PTPRD: variants seen among roughly 807,000 people sequenced by gnomAD.
PTPRD encodes the protein protein tyrosine phosphatase receptor type D.
Under a neutral mutation model 214.5 loss-of-function variants are expected in PTPRD, and 34 were observed. The observed-to-expected ratio is 0.16, with a 90% confidence interval of 0.12 to 0.21. The LOEUF is 0.21. PTPRD is among the 10% of genes least tolerant of loss of function. PTPRD has a pLI of 1.00. For synonymous variants in PTPRD, 1,128 were observed against 845.7 expected (o/e 1.33, Z -5.79); for missense variants, 2,545 against 2,398.7 (o/e 1.06, Z -1.27).
intron 3 of PTPRD, among the ~76,000 whole-genome samples, chr9:10,320,498 A>G (rs965682645): frequency 7.2e-5 from 11 of 152,058 alleles, no homozygotes; most frequent in African/African-American, 1.2e-4. Context: ...TGCAAAAACG[A>G]ATGTATCTTC....
intron 11 of PTPRD, among the ~76,000 whole-genome samples, chr9:8,826,767 T>C (rs10120501): frequency 0.57 from 86,401 of 151,184 alleles, 25,531 homozygotes; most frequent in African/African-American, 0.73. Flanking sequence ...ATGCCCAGTG[T>C]TTAGCATGAT....
chr9:10,383,666 T>C (rs1211344546), intron 2 of PTPRD, among the ~76,000 whole-genome samples: 10 of 151,988 alleles, frequency 6.6e-5, no homozygotes. Flanking sequence ...GTGTTTCATC[T>C]GCACCATTTC....
At chr9:8,453,871 G>T (rs749711728) in intron 33 of PTPRD, among the ~76,000 whole-genome samples, 5 of 152,150 alleles carry the variant, frequency 3.3e-5, no homozygotes, top group Non-Finnish European at 7.3e-5. Context: ...GAAACCACTG[G>T]AATATGGCAT....
At chr9:10,175,144 C>T (rs1483050847) in intron 3 of PTPRD, among the ~76,000 whole-genome samples, 1 of 152,040 alleles carries the variant, frequency 6.6e-6, no homozygotes, top group African/African-American at 2.4e-5. Flanking sequence ...GAAGCTGGAT[C>T]AATCCAAAAA....
At chr9:10,309,889 G>C (rs2096219028) in intron 3 of PTPRD, among the ~76,000 whole-genome samples, 1 of 152,136 alleles carries the variant, frequency 6.6e-6, no homozygotes, top group South Asian at 2.1e-4. Context: ...CAACATTTGT[G>C]TTAGCACCTT....
At chr9:8,468,671 T>C (rs975473417) in intron 31 of PTPRD, among the ~76,000 whole-genome samples, 11 of 151,854 alleles carry the variant, frequency 7.2e-5, no homozygotes, top group African/African-American at 2.7e-4. Context: ...GTTCCAACAA[T>C]TTGAATTATA....
chr9:8,691,002 C>T (rs1283197854), intron 12 of PTPRD, among the ~76,000 whole-genome samples: 2 of 152,080 alleles, frequency 1.3e-5, no homozygotes, highest in East Asian at 1.9e-4. Flanking sequence ...CAAAAGTAAG[C>T]CTCTGAGAAC....
At chr9:10,342,426 AT>A (rs1220471770) in intron 2 of PTPRD, among the ~76,000 whole-genome samples, 1 of 152,146 alleles carries the variant, frequency 6.6e-6, no homozygotes, top group Non-Finnish European at 1.5e-5. Context: ...ACATGTCTTA[AT>A]TCAGATATGA....
chr9:10,285,667 G>A (rs1486026797), intron 3 of PTPRD, among the ~76,000 whole-genome samples: 2 of 146,624 alleles, frequency 1.4e-5, no homozygotes, highest in African/African-American at 2.6e-5. Context: ...CTGGAGGGCG[G>A]TGGTGCCATC....
At chr9:9,108,094 C>A (rs1049027458) in intron 10 of PTPRD, among the ~76,000 whole-genome samples, 8 of 152,088 alleles carry the variant, frequency 5.3e-5, no homozygotes, top group Admixed American at 1.3e-4. Flanking sequence ...CTTCTTAAAA[C>A]CCTTAGGGCT....
intron 10 of PTPRD, among the ~76,000 whole-genome samples, chr9:9,097,363 G>C (rs752261141): frequency 6.6e-6 from 1 of 151,852 alleles, no homozygotes; most frequent in Non-Finnish European, 1.5e-5. Flanking sequence ...ACTGGAGGAA[G>C]GGTTTAAAGA....
At chr9:8,688,199 T>G (rs1222615372) in intron 12 of PTPRD, among the ~76,000 whole-genome samples, 2 of 152,200 alleles carry the variant, frequency 1.3e-5, no homozygotes, top group Non-Finnish European at 2.9e-5. Context: ...CCTTCTCATT[T>G]CCCTTATCCC....
chr9:8,517,967 T>C lies in PTPRD; in HGVS notation c.1424A>G (p.Gln475Arg), dbSNP rs2138480393. Residue 475 changes from glutamine to arginine, a missense_variant, in exon 21 of 46, where the codon CAA becomes CGA. Coordinates refer to ENST00000381196, the MANE Select transcript of PTPRD (RefSeq NM_002839.4). ...NWMKHNVADS[Q>R]ITTIGNLVPQ... ...CACTAAGTTGCCAATAGTAGTGATT[T>C]GGCTGTCAGCTACATTGTGTTTCAT... 2 of 1,614,214 alleles carry C rather than the reference T, an allele frequency of 1.2e-6. No homozygotes were observed.
At chr9:8,908,348 A>G (rs1186244475) in intron 11 of PTPRD, among the ~76,000 whole-genome samples, 1 of 152,214 alleles carries the variant, frequency 6.6e-6, no homozygotes, top group African/African-American at 2.4e-5. Context: ...TAAAATTCAC[A>G]GGAGAAAATA....
chr9:9,950,212 C>T (rs1228347853), intron 4 of PTPRD, among the ~76,000 whole-genome samples: 2 of 152,134 alleles, frequency 1.3e-5, no homozygotes, highest in Admixed American at 6.5e-5. Context: ...ACCTGTGCAA[C>T]ACACCTCTCG....
intron 3 of PTPRD, among the ~76,000 whole-genome samples, chr9:10,296,886 G>A (rs1418227083): frequency 2.0e-5 from 3 of 151,698 alleles, no homozygotes; most frequent in Non-Finnish European, 4.4e-5. Context: ...ACCACTTCAG[G>A]TTCTCCTGAA....
At chr9:9,148,565 G>A (rs1027002516) in intron 10 of PTPRD, among the ~76,000 whole-genome samples, 1 of 152,096 alleles carries the variant, frequency 6.6e-6, no homozygotes, top group Non-Finnish European at 1.5e-5. Flanking sequence ...TACTATTGAA[G>A]ATGAGACTGC....
intron 4 of PTPRD, among the ~76,000 whole-genome samples, chr9:9,950,988 G>A (rs2093403187): frequency 6.6e-6 from 1 of 152,094 alleles, no homozygotes; most frequent in Non-Finnish European, 1.5e-5. Flanking sequence ...TTGGGGGCTG[G>A]ATTACTCACT....
intron 11 of PTPRD, among the ~76,000 whole-genome samples, chr9:8,888,193 T>A (rs2060333): frequency 0.2 from 31,160 of 152,148 alleles, 3,810 homozygotes; most frequent in Non-Finnish European, 0.28. Context: ...TGAGATCATC[T>A]TACTTCTGAA....
Sources: allele counts gnomAD v4.1 joint callset (sites outside exome capture counted in the v4.1 genomes callset), GRCh38; gene constraint gnomAD v4.1.1; transcripts MANE v1.5; gene names NCBI Gene and HGNC (gene_info 2026-07-23, HGNC 2026-07-21).